Variants in CLSPN observed in about 807,000 individuals in gnomAD.
CLSPN encodes claspin homolog.
A neutral mutation model predicts 156.3 loss-of-function variants in CLSPN; 85 were observed. The ratio of observed to expected loss-of-function variants is 0.54; its 90% CI spans 0.46 to 0.65. The LOEUF (loss-of-function observed/expected upper bound fraction) is 0.65, where lower values mean the gene tolerates loss of function less well. CLSPN is among the 30% of genes least tolerant of loss of function. The pLI is 0.00. For synonymous variants in CLSPN, 534 were observed against 542.4 expected (o/e 0.98, Z 0.22); for missense variants, 1,407 against 1,554.9 (o/e 0.90, Z 1.60).
chr1:35,749,909 C>A (rs1642024463), intron 10 of CLSPN, 98 bp from the exon 11 acceptor site: 1 of 1,342,908 alleles, frequency 7.4e-7, no homozygotes, highest in African/African-American at 1.5e-5. Context: ...GGTTACAGAT[C>A]ACATCTTAAA....
At position 35,734,945 on chromosome 1, in the gene CLSPN, G is replaced by A. The variant is rs944687826; in HGVS notation, c.*1551C>T. The A allele has an allele frequency of 1.1e-5, 11 of 985,278 alleles. No homozygotes were observed. The highest frequency in any genetic ancestry group is 1.1e-5 in the Non-Finnish European group (9 of 829,924). 61.0% of individuals were successfully genotyped at this position (985,278 alleles called of 1,614,324 possible). ...ATTCTGAGAAGCTTGTGGTAGTTCA[G>A]GGAAAATGGAGAATGATGGCAATTC... On this transcript the variant is annotated 3_prime_UTR_variant, in exon 25 of 25. Transcript: ENST00000318121.
chr1:35,752,593 A>C (rs2148621014), intron 9 of CLSPN, among the ~76,000 whole-genome samples: 1 of 151,670 alleles, frequency 6.6e-6, no homozygotes, highest in East Asian at 1.9e-4. Context: ...AAAAAAAAAA[A>C]AAAAAAAAAA....
In CLSPN at chr1:35,749,451, A is replaced by C. The variant is rs1254110873; in HGVS notation, c.2272+16T>G. ...ACAAAAGAAATGTTAAGTTCTGCAC[A>C]AGAATCACTACTTACCCAGTTTGCT... On this transcript the variant is annotated intron_variant, in intron 12 of 24. Transcript: ENST00000318121. 1 of 1,612,196 alleles carries C rather than the reference A, an allele frequency of 6.2e-7. No homozygotes were observed. Among genetic ancestry groups the C allele is most frequent in the Non-Finnish European group, 8.5e-7 (1 of 1,178,410 alleles).
chr1:35,725,047 CT>C (rs1386016364), intron 24 of CLSPN, among the ~76,000 whole-genome samples: 1 of 152,146 alleles, frequency 6.6e-6, no homozygotes, highest in South Asian at 2.1e-4. Context: ...GAAGTAATTT[CT>C]TTTTCCTCAA....
At chr1:35,731,225 AAAAG>A (rs1398800127), downstream of CLSPN, among the ~76,000 whole-genome samples, 2 of 151,704 alleles carry the variant, frequency 1.3e-5, no homozygotes, top group Non-Finnish European at 2.9e-5. Flanking sequence ...AAAGAAAGAA[AAAAG>A]AAAGGGGTGT....
At chr1:35,769,533 A>C (rs1301043081) in intron 1 of CLSPN, among the ~76,000 whole-genome samples, 1 of 152,212 alleles carries the variant, frequency 6.6e-6, no homozygotes, top group Non-Finnish European at 1.5e-5. Flanking sequence ...CCGCGACAGG[A>C]AACGCGCCAA....
At position 35,746,118 on chromosome 1, in the gene CLSPN, T is replaced by C. The variant is rs1317221087; in HGVS notation, c.2855-556A>G. Among the ~76,000 whole-genome samples, 1 of 151,790 alleles carries C rather than the reference T, an allele frequency of 6.6e-6. No homozygotes were observed. The highest frequency in any genetic ancestry group is 2.4e-5 in the African/African-American group (1 of 41,318). On this transcript the variant is annotated intron_variant, in intron 15 of 24. Coordinates refer to ENST00000318121, the MANE Select transcript of CLSPN (RefSeq NM_022111.4). The surrounding 1 kb of genome is among the most constrained non-coding windows in gnomAD (Gnocchi z 4.2). ...GGGCCACCATGCCCAGATAATTTTT[T>C]GTATTTTAGTAGAGACGGGGTTTCA...
intron 5 of CLSPN, 86 bp from the exon 6 acceptor site, chr1:35,762,156 C>A: frequency 9.3e-7 from 1 of 1,079,032 alleles, no homozygotes. Flanking sequence ...TTGCTCTCTC[C>A]AAGAAAAGAG....
Position 35,738,007 on chromosome 1 carries a change from C to G in CLSPN, c.3649G>C (p.Ala1217Pro). 6.7e-7 allele frequency: 1 copy of G among 1,485,358 alleles called. No individual in the cohort carries two copies. Among genetic ancestry groups the G allele is most frequent in the Non-Finnish European group, 9.0e-7 (1 of 1,107,012 alleles). 92.0% of individuals were successfully genotyped at this position (1,485,358 alleles called of 1,614,324 possible). A position where few individuals can be genotyped will look rare whatever the true frequency, so the allele number is the denominator to read the frequency against. Residue 1217 changes from alanine (A) to proline (P), a missense_variant, in exon 22 of 25, where the codon GCA (alanine) becomes CCA (proline). Transcript: ENST00000318121. ...AAGAGCTCACCATTCTTCTGCAGTGCTTTGGCTGTAACTTTCTTGGCCAGT... is the reference window on the plus strand; with the variant it reads ...AAGAGCTCACCATTCTTCTGCAGTGGTTTGGCTGTAACTTTCTTGGCCAGT... ...MILAKKVTAK[A>P]LQKNASRPMV... is the part of the protein sequence containing the mutation.
At chr1:35,762,503 T>G in intron 4 of CLSPN, 22 bp from the exon 5 acceptor site, 1 of 1,605,388 alleles carries the variant, frequency 6.2e-7, no homozygotes. Flanking sequence ...GGCAGGTTGA[T>G]TAGGACAAAA....
chr1:35,747,928 C>T lies in CLSPN; in HGVS notation c.2606G>A (p.Ser869Asn). Reference protein sequence around the residue: ...FQFCLEDDTQSQLLDADGFLN... With the variant: ...FQFCLEDDTQNQLLDADGFLN... Reference sequence around the variant, plus strand: ...CTACCCATCTGCATCCAACAGTTGGCTCTGAGTGTCATCTTCTAAACAGAA... The same window carrying T: ...CTACCCATCTGCATCCAACAGTTGGTTCTGAGTGTCATCTTCTAAACAGAA... Residue 869 changes from serine to asparagine, a missense_variant, in exon 14 of 25, where the codon AGC (serine) becomes AAC (asparagine). By Grantham distance (46) the Ser-to-Asn change is conservative. Around this residue, in one of 3 missense-constraint regions of CLSPN, gnomAD observed 1,096 missense variants for 1,193.0 expected, o/e 0.92. Coordinates refer to ENST00000318121, the MANE Select transcript of CLSPN (RefSeq NM_022111.4). 1 of 1,614,010 alleles carries T rather than the reference C, an allele frequency of 6.2e-7. No individual in the cohort carries two copies.
chr1:35,760,318 G>A, intron 8 of CLSPN, 24 bp downstream of exon 8: 2 of 1,573,810 alleles, frequency 1.3e-6, no homozygotes, highest in South Asian at 2.3e-5. Context: ...CTCCAGGGAG[G>A]CTCCCCACAA....
In CLSPN at chr1:35,741,981, A is replaced by AAAC. The variant is rs1352218672; in HGVS notation, c.3143+1159_3143+1160insGTT. 1.3e-3 allele frequency among the ~76,000 whole-genome samples: 185 copies of AAAC among 147,842 alleles called. 1 individual carries two copies. The highest frequency in any genetic ancestry group is 2.0e-3 in the Non-Finnish European group (134 of 66,766). On this transcript the variant is annotated intron_variant, in intron 18 of 24. Transcript: ENST00000318121. ...AGAGCGAGACTCCGTCTCAAAAAAA[A>AAAC]AAAAAAAAAAAAAAAAAAAAGCTGG...
chr1:35,726,048 C>G (rs776497721), intron 24 of CLSPN, among the ~76,000 whole-genome samples: 9 of 146,576 alleles, frequency 6.1e-5, no homozygotes, highest in Non-Finnish European at 1.3e-4. Flanking sequence ...GCCTTAAATT[C>G]AGGCAAGCAT....
At chr1:35,758,029 A>T (rs143066993) in intron 8 of CLSPN, among the ~76,000 whole-genome samples, 11 of 152,118 alleles carry the variant, frequency 7.2e-5, no homozygotes, top group Non-Finnish European at 1.0e-4. Context: ...TTTTAATGAG[A>T]CAAGGTGCTC....
chr1:35,731,551 C>A (rs1641317902), downstream of CLSPN, among the ~76,000 whole-genome samples: 5 of 152,086 alleles, frequency 3.3e-5, no homozygotes. Context: ...GGCTGCTGTG[C>A]AGATTGGATG....
chr1:35,737,358 C>G lies in CLSPN; in HGVS notation c.3728G>C (p.Arg1243Thr), dbSNP rs750463495. The change falls in exon 23 of 25, where the codon AGA becomes ACA. Residue 1243 changes from arginine to threonine, a missense_variant. By Grantham distance (71) the Arg-to-Thr change is moderately conservative. Around this residue, in one of 3 missense-constraint regions of CLSPN, gnomAD observed 241 missense variants for 240.5 expected, o/e 1.00. Coordinates refer to ENST00000318121, the MANE Select transcript of CLSPN (RefSeq NM_022111.4). ...ACCAACCTGTTGAGCACTTCCTGGTCTGATGGCTTCAAAAGGATTTCTGAG... is the reference window on the plus strand; with the variant it reads ...ACCAACCTGTTGAGCACTTCCTGGTGTGATGGCTTCAAAAGGATTTCTGAG... ...SLLRNPFEAI[R>T]PGSAQQVKTG... 2 of 1,613,920 alleles carry G rather than the reference C, an allele frequency of 1.2e-6. No individual in the cohort carries two copies. The highest frequency in any genetic ancestry group is 4.5e-5 in the East Asian group (2 of 44,898).
In CLSPN at chr1:35,753,213, T is replaced by G. The variant is rs7514722; in HGVS notation, c.1771+532A>C. Among the ~76,000 whole-genome samples, 996 of 151,984 alleles carry G rather than the reference T, an allele frequency of 6.6e-3. 15 individuals are homozygous for G. The highest frequency in any genetic ancestry group is 0.023 in the African/African-American group (951 of 41,476). On this transcript the variant is annotated intron_variant, in intron 9 of 24. Transcript: ENST00000318121. ...CTCAAATGATCCTCCTGTCTCAGCCTCCCAAGTATCTGGGGCCACAGGTGC... is the reference window on the plus strand; with the variant it reads ...CTCAAATGATCCTCCTGTCTCAGCCGCCCAAGTATCTGGGGCCACAGGTGC...
Position 35,761,984 on chromosome 1 carries a change from C to G in CLSPN, c.895+14G>C. ...TGTTGTGATTTTGCCTCAAAGTTTA[C>G]TGGGTTGCATTACCTCGAATAAGGC... is the stretch of plus-strand genomic sequence containing the variant. On this transcript the variant is annotated intron_variant, in intron 6 of 24. Coordinates refer to ENST00000318121, the MANE Select transcript of CLSPN (RefSeq NM_022111.4). 1.9e-6 allele frequency: 3 copies of G among 1,595,594 alleles called. No homozygotes were observed. The highest frequency in any genetic ancestry group is 1.1e-5 in the South Asian group (1 of 88,958).
Sources: allele counts gnomAD v4.1 joint callset (sites outside exome capture counted in the v4.1 genomes callset), GRCh38; gene constraint gnomAD v4.1.1; regional missense constraint gnomAD v4.1.1; non-coding constraint Gnocchi (gnomAD v3.1); transcripts MANE v1.5; gene names NCBI Gene and HGNC (gene_info 2026-07-23, HGNC 2026-07-21).